The following GPHN variants were observed in gnomAD, a reference collection of about 807,000 sequenced individuals.
GPHN encodes gephyrin.
GPHN carries 17 observed loss-of-function variants against 95.5 expected under a neutral mutation model. The observed-to-expected ratio is 0.18, with a 90% CI of 0.12 to 0.27. GPHN has a LOEUF of 0.27. Among genes scored for constraint, GPHN ranks in the 10% least tolerant of loss-of-function variants. GPHN has a pLI of 1.00. For missense variants in GPHN, 660 were observed against 978.1 expected, an observed-to-expected ratio of 0.67 and a Z score of 4.34; for synonymous variants, 320 against 322.5, an observed-to-expected ratio of 0.99 and a Z score of 0.08.
intron 1 of GPHN, among the ~76,000 whole-genome samples, chr14:66,662,969 A>G (rs1332524570): frequency 6.6e-6 from 1 of 152,190 alleles, no homozygotes; most frequent in African/African-American, 2.4e-5. Context: ...GAGAAATATG[A>G]GATTATGTAA....
chr14:67,561,910 C>A, the GPHN span: 2 of 1,371,792 alleles, frequency 1.5e-6, no homozygotes, highest in South Asian at 1.2e-5. Flanking sequence ...ACATCTAAAC[C>A]TGTAGGCTGG....
At chr14:67,131,762 C>T (rs964181374) in intron 17 of GPHN, among the ~76,000 whole-genome samples, 3 of 152,050 alleles carry the variant, frequency 2.0e-5, no homozygotes, top group Non-Finnish European at 4.4e-5. Context: ...ATATAACAAG[C>T]GGTAATCATT....
the GPHN span, chr14:67,653,407 G>A: frequency 3.1e-6 from 5 of 1,604,494 alleles, no homozygotes; most frequent in Admixed American, 1.7e-5. Context: ...ACTGAGTTAA[G>A]AGAAATTTCA....
At chr14:66,791,737 C>T (rs912754837) in intron 3 of GPHN, among the ~76,000 whole-genome samples, 4 of 152,226 alleles carry the variant, frequency 2.6e-5, no homozygotes, top group African/African-American at 9.6e-5. Flanking sequence ...TTTTGGCTGG[C>T]TTCTTTACCA....
chr14:67,598,302 C>T, the GPHN span, among the ~76,000 whole-genome samples: 1 of 152,096 alleles, frequency 6.6e-6, no homozygotes, highest in Non-Finnish European at 1.5e-5. Context: ...GCAGAGTACA[C>T]CGGCATGAGA....
chr14:66,944,538 T>G (rs1401890437), intron 8 of GPHN, among the ~76,000 whole-genome samples: 1 of 152,158 alleles, frequency 6.6e-6, no homozygotes, highest in Admixed American at 6.5e-5. Flanking sequence ...CTACAGAGAA[T>G]ATAAACAGTG....
At chr14:67,395,444 C>T in the GPHN span, 3 of 1,614,030 alleles carry the variant, frequency 1.9e-6, no homozygotes, top group Non-Finnish European at 2.5e-6. Flanking sequence ...GTTTCTCAGG[C>T]TGTGCAGCTG....
intron 10 of GPHN, among the ~76,000 whole-genome samples, chr14:67,042,987 G>T (rs969023110): frequency 1.1e-4 from 17 of 152,084 alleles, no homozygotes; most frequent in Non-Finnish European, 2.1e-4. Flanking sequence ...TATTCTCTTT[G>T]TAGCAGTTGT....
At chr14:67,687,644 T>C in the GPHN span, among the ~76,000 whole-genome samples, 1 of 151,826 alleles carries the variant, frequency 6.6e-6, no homozygotes, top group African/African-American at 2.4e-5. Flanking sequence ...GCTAATTTTG[T>C]ATTTTTAGTA....
the GPHN span, among the ~76,000 whole-genome samples, chr14:67,645,202 C>T: frequency 6.6e-6 from 1 of 150,384 alleles, no homozygotes; most frequent in Non-Finnish European, 1.5e-5. Flanking sequence ...TTTTTGGAGA[C>T]AGGGTGTGAC....
chr14:67,585,915 A>G, the GPHN span: 4 of 1,589,200 alleles, frequency 2.5e-6, no homozygotes, highest in African/African-American at 4.0e-5. Context: ...GGACAGGTGG[A>G]AAGTTTCCCC....
At chr14:67,539,100 G>A in the GPHN span, among the ~76,000 whole-genome samples, 2 of 152,172 alleles carry the variant, frequency 1.3e-5, no homozygotes, top group African/African-American at 4.8e-5. Flanking sequence ...ACTGAGTTGC[G>A]AGACTCCCAG....
intron 2 of GPHN, among the ~76,000 whole-genome samples, chr14:66,685,109 A>G (rs993948069): frequency 6.6e-6 from 1 of 152,198 alleles, no homozygotes; most frequent in Non-Finnish European, 1.5e-5. Context: ...ATAGTATTCC[A>G]TGGTGTATAT....
chr14:67,566,895 C>T, the GPHN span, among the ~76,000 whole-genome samples: 4 of 152,042 alleles, frequency 2.6e-5, no homozygotes, highest in Admixed American at 6.6e-5. Context: ...TATCAGATGA[C>T]GTTCTCCCCA....
At chr14:67,674,270 C>T in the GPHN span, 519 of 1,090,796 alleles carry the variant, frequency 4.8e-4, 3 homozygotes, top group African/African-American at 7.9e-3. Context: ...TCTGAGGACG[C>T]GGAGGGAGGA....
At chr14:67,137,442 G>A (rs1289868120) in intron 17 of GPHN, among the ~76,000 whole-genome samples, 2 of 151,820 alleles carry the variant, frequency 1.3e-5, no homozygotes, top group African/African-American at 4.8e-5. Context: ...ACCACGCCTG[G>A]CTGACTCTGT....
intron 12 of GPHN, among the ~76,000 whole-genome samples, chr14:67,099,310 C>A (rs185159833): frequency 8.4e-4 from 128 of 151,930 alleles, no homozygotes; most frequent in African/African-American, 3.0e-3. Flanking sequence ...TTAGTAGAGA[C>A]GAGGTTTCTC....
chr14:67,041,839 G>A (rs2074722402), intron 10 of GPHN, among the ~76,000 whole-genome samples: 1 of 152,178 alleles, frequency 6.6e-6, no homozygotes, highest in Non-Finnish European at 1.5e-5. Flanking sequence ...CACTAACAGT[G>A]TAAATGTGTT....
In GPHN at chr14:66,758,492, C is replaced by A. The variant is rs1049727916; in HGVS notation, c.144-17972C>A. Reference sequence around the variant, plus strand: ...AGGATCCCCAGTAAAAGGGAGCCATCGTTTGAAGCTACAGTTGCGTGACCA... The same window carrying A: ...AGGATCCCCAGTAAAAGGGAGCCATAGTTTGAAGCTACAGTTGCGTGACCA... On this transcript the variant is annotated intron_variant, in intron 2 of 22. Transcript: ENST00000478722. Among the ~76,000 whole-genome samples the A allele has an allele frequency of 2.0e-5, 3 of 152,280 alleles. No homozygotes were observed. In the South Asian group the frequency reaches 6.2e-4, roughly 32 times the overall value.
Sources: allele counts gnomAD v4.1 joint callset (sites outside exome capture counted in the v4.1 genomes callset), GRCh38; gene constraint gnomAD v4.1.1; transcripts MANE v1.5; gene names NCBI Gene and HGNC (gene_info 2026-07-23, HGNC 2026-07-21).